Variants in HGD observed in about 807,000 individuals in gnomAD.
HGD encodes homogentisate oxidase.
Under a neutral mutation model 60.8 loss-of-function variants are expected in HGD, and 61 were observed. That is an observed-to-expected ratio of 1.00 (90% CI 0.82 to 1.24). HGD has a LOEUF of 1.24. Among genes scored for constraint, HGD ranks in the 50% most tolerant of loss-of-function variants. The pLI, the probability that HGD is intolerant of heterozygous loss-of-function variation, is 0.00. For synonymous variants in HGD, 212 were observed against 187.7 expected, an observed-to-expected ratio of 1.13 and a Z score of -1.06; for missense variants, 542 against 547.1, an observed-to-expected ratio of 0.99 and a Z score of 0.09.
chr3:120,646,862 G>T, intron 8 of HGD, 111 bp downstream of exon 8: 1 of 896,432 alleles, frequency 1.1e-6, no homozygotes, highest in Non-Finnish European at 1.9e-6. Context: ...TTCCCTCCTC[G>T]TTGCCCAGAC....
chr3:120,646,348 T>C lies in HGD; in HGVS notation c.568A>G (p.Ile190Val). Reference sequence around the variant, plus strand: ...CCCCTGGTCTCCTCAAAGACATCTATGCTGAACCGCATTCCTCTCTGGAAT... The same window carrying C: ...CCCCTGGTCTCCTCAAAGACATCTACGCTGAACCGCATTCCTCTCTGGAAT... ...CVIQRGMRFS[I>V]DVFEETRGYI... The change falls in exon 9 of 14, where the codon ATA (isoleucine) becomes GTA (valine). Residue 190 changes from isoleucine to valine, a missense_variant. By Grantham distance (29) the Ile-to-Val change is conservative. Transcript: ENST00000283871. 6.2e-7 allele frequency: 1 copy of C among 1,612,264 alleles called. No homozygotes were observed. Among genetic ancestry groups the C allele is most frequent in the African/African-American group, 1.3e-5 (1 of 74,968 alleles).
intron 1 of HGD, among the ~76,000 whole-genome samples, chr3:120,678,569 T>G (rs1272455871): frequency 6.6e-6 from 1 of 152,202 alleles, no homozygotes; most frequent in Non-Finnish European, 1.5e-5. Flanking sequence ...AGCACTTGAT[T>G]CAGACTGTGC....
At chr3:120,644,205 T>C (rs1287518983) in intron 10 of HGD, 114 bp downstream of exon 10, 1 of 1,224,260 alleles carries the variant, frequency 8.2e-7, no homozygotes, top group Non-Finnish European at 1.2e-6. Context: ...AGTGCCGTAG[T>C]GGTATGATAA....
chr3:120,648,510 C>A (rs1417771900), intron 6 of HGD, among the ~76,000 whole-genome samples: 1 of 152,224 alleles, frequency 6.6e-6, no homozygotes, highest in Non-Finnish European at 1.5e-5. Context: ...GGGCTTTGGA[C>A]ACAAATGGTC....
intron 12 of HGD, 50 bp from the exon 13 acceptor site, chr3:120,633,378 A>T (rs769469436): frequency 1.9e-6 from 3 of 1,613,742 alleles, no homozygotes; most frequent in Non-Finnish European, 2.5e-6. Flanking sequence ...CAAGACCAGT[A>T]AAACACAAAG....
At chr3:120,680,915 T>G (rs1323302864) in intron 1 of HGD, among the ~76,000 whole-genome samples, 1 of 152,248 alleles carries the variant, frequency 6.6e-6, no homozygotes, top group Non-Finnish European at 1.5e-5. Flanking sequence ...TAGGAAATTT[T>G]TTTTTGACTC....
At chr3:120,646,527 T>A (rs547321554) in intron 8 of HGD, among the ~76,000 whole-genome samples, 161 bp from the exon 9 acceptor site, 43 of 152,226 alleles carry the variant, frequency 2.8e-4, no homozygotes, top group African/African-American at 7.9e-4. Context: ...TGAATTTTTT[T>A]AAAAAGAAAT....
chr3:120,638,530 C>T lies in HGD; in HGVS notation c.931G>A (p.Ala311Thr), dbSNP rs1317676622. 1.2e-6 allele frequency: 2 copies of T among 1,613,892 alleles called. No individual in the cohort carries two copies. Among genetic ancestry groups the T allele is most frequent in the Non-Finnish European group, 1.7e-6 (2 of 1,179,904 alleles). The change falls in exon 12 of 14, where the codon GCC (alanine) becomes ACC (threonine). Residue 311 changes from alanine (A) to threonine (T), a missense_variant. By Grantham distance (58) the Ala-to-Thr change is moderately conservative. Transcript: ENST00000283871. ...LTAKSVRPGV[A>T]IADFVIFPPR... ...GGGAAGATGACAAAATCAGCAATGG[C>T]CACTCCAGGGCGGACAGACTTAGCA... is the stretch of plus-strand genomic sequence containing the variant.
At chr3:120,666,749 T>G (rs1337066589) in intron 4 of HGD, among the ~76,000 whole-genome samples, 1 of 152,044 alleles carries the variant, frequency 6.6e-6, no homozygotes, top group East Asian at 1.9e-4. Flanking sequence ...CAGTCTCAGG[T>G]CATCTGCCTG....
intron 8 of HGD, 107 bp from the exon 9 acceptor site, chr3:120,646,473 T>C (rs1941167054): frequency 1.3e-6 from 1 of 781,934 alleles, no homozygotes; most frequent in Non-Finnish European, 2.3e-6. Flanking sequence ...AAAGCTCTTG[T>C]TTGTTGAGCT....
At chr3:120,663,483 A>G (rs1190530389) in intron 4 of HGD, among the ~76,000 whole-genome samples, 1 of 152,214 alleles carries the variant, frequency 6.6e-6, no homozygotes, top group African/African-American at 2.4e-5. Context: ...TTGTGCAGAT[A>G]GACTACCTCC....
chr3:120,632,572 C>G (rs1940624583), intron 13 of HGD, among the ~76,000 whole-genome samples: 1 of 152,156 alleles, frequency 6.6e-6, no homozygotes, highest in South Asian at 2.1e-4. Context: ...CAAGCCCTGA[C>G]TATAGTGAGG....
In HGD at chr3:120,656,366, T is replaced by C. The variant is rs144075007; in HGVS notation, c.283-3715A>G. On this transcript the variant is annotated intron_variant, in intron 4 of 13. Transcript: ENST00000283871. ...TTTATTTTATTTATACTATATGCTA[T>C]TGTTAAATAGCTTCTTCTCTATAGA... 1.7e-3 allele frequency among the ~76,000 whole-genome samples: 260 copies of C among 152,346 alleles called. 3 individuals carry two copies. The highest frequency in any genetic ancestry group is 6.0e-3 in the African/African-American group (249 of 41,568).
chr3:120,675,581 C>T (rs1426527969), intron 2 of HGD, among the ~76,000 whole-genome samples: 1 of 152,090 alleles, frequency 6.6e-6, no homozygotes, highest in African/African-American at 2.4e-5. Flanking sequence ...GTTAATTTCA[C>T]TAGTTTGGAT....
At chr3:120,644,557 C>T (rs1156627892) in intron 9 of HGD, 114 bp from the exon 10 acceptor site, 2 of 1,572,658 alleles carry the variant, frequency 1.3e-6, no homozygotes, top group Non-Finnish European at 1.7e-6. Flanking sequence ...CCACAAATTG[C>T]TTTCATTGCT....
chr3:120,678,432 C>T (rs1351334906), intron 1 of HGD, among the ~76,000 whole-genome samples: 1 of 152,222 alleles, frequency 6.6e-6, no homozygotes, highest in Non-Finnish European at 1.5e-5. Flanking sequence ...GGCTGGAGTA[C>T]AGCTGAGCTT....
chr3:120,641,607 T>A lies in HGD; in HGVS notation c.861A>T (p.Ser287=). ...YNLKNFMVIN[S]VAFDHADPSI... Reference sequence around the variant, plus strand: ...GACTTACTGCATGGTCAAAGGCCACTGAGTTGATAACCATGAAATTCTTCA... The same window carrying A: ...GACTTACTGCATGGTCAAAGGCCACAGAGTTGATAACCATGAAATTCTTCA... Residue 287 remains serine, a synonymous_variant, in exon 11 of 14, where the codon TCA becomes TCT. Transcript: ENST00000283871. 1 of 1,613,402 alleles carries A rather than the reference T, an allele frequency of 6.2e-7. No individual in the cohort carries two copies. Among genetic ancestry groups the A allele is most frequent in the Non-Finnish European group, 8.5e-7 (1 of 1,179,296 alleles).
intron 6 of HGD, among the ~76,000 whole-genome samples, chr3:120,649,308 A>G (rs937555607): frequency 1.3e-5 from 2 of 151,014 alleles, no homozygotes; most frequent in African/African-American, 4.9e-5. Flanking sequence ...ACGCCCGGCT[A>G]ATTTTTTGTA....
chr3:120,665,851 C>T (rs960579751), intron 4 of HGD, among the ~76,000 whole-genome samples: 8 of 152,114 alleles, frequency 5.3e-5, no homozygotes, highest in African/African-American at 1.9e-4. Flanking sequence ...TGGTCTATGA[C>T]AGGTGAAGAC....
Sources: gnomAD v4.1 joint callset for allele counts (sites outside exome capture counted in the v4.1 genomes callset) on GRCh38, gnomAD v4.1.1 for gene constraint, MANE v1.5 for transcripts, NCBI Gene and HGNC (gene_info 2026-07-23, HGNC 2026-07-21) for gene names.